COMMD1: variants seen among roughly 807,000 people sequenced by gnomAD.
COMMD1 encodes copper metabolism domain containing 1, also known as COMM domain-containing protein 1.
In COMMD1, 10 loss-of-function variants were observed where a neutral mutation model predicts 17.2. That is an observed-to-expected ratio of 0.58 (90% CI 0.36 to 0.99). The LOEUF (loss-of-function observed/expected upper bound fraction) is 0.99, where lower values mean the gene tolerates loss of function less well. Ranked by LOEUF, COMMD1 falls within the 50% of genes least tolerant of loss-of-function variation. The pLI, the probability that COMMD1 is intolerant of heterozygous loss-of-function variation, is 0.01. For synonymous variants in COMMD1, 97 were observed against 91.6 expected, an observed-to-expected ratio of 1.06 and a Z score of -0.34; for missense variants, 270 against 231.8, an observed-to-expected ratio of 1.17 and a Z score of -1.07.
chr2:62,016,206 CTTTTTTTT>C (rs769583167), intron 2 of COMMD1, among the ~76,000 whole-genome samples: 2 of 112,262 alleles, frequency 1.8e-5, no homozygotes, highest in Non-Finnish European at 3.7e-5. Context: ...CTTTTCTTTT[CTTTTTTTT>C]TTTTTTTTTT....
chr2:61,943,842 A>C (rs1047089037), intron 1 of COMMD1, among the ~76,000 whole-genome samples: 1 of 152,056 alleles, frequency 6.6e-6, no homozygotes, highest in African/African-American at 2.4e-5. Context: ...CTCAAAAAAA[A>C]CAAAACAAAA....
chr2:61,978,791 G>A (rs992531041), intron 1 of COMMD1, among the ~76,000 whole-genome samples: 5 of 152,108 alleles, frequency 3.3e-5, no homozygotes, highest in African/African-American at 1.2e-4. Context: ...AGAGACAAAG[G>A]GGAAGTTGTC....
intron 2 of COMMD1, among the ~76,000 whole-genome samples, chr2:62,123,871 T>C (rs376542269): frequency 1.3e-5 from 2 of 151,972 alleles, no homozygotes; most frequent in South Asian, 4.1e-4. Context: ...AGTATTTATG[T>C]GTTTAAAACA....
At chr2:62,086,211 T>G (rs1252081275) in intron 2 of COMMD1, among the ~76,000 whole-genome samples, 1 of 151,050 alleles carries the variant, frequency 6.6e-6, no homozygotes, top group Admixed American at 6.6e-5. Flanking sequence ...AACATGAAAT[T>G]AAAATTTCTC....
At chr2:62,074,072 G>C (rs899233202) in intron 2 of COMMD1, among the ~76,000 whole-genome samples, 1 of 152,104 alleles carries the variant, frequency 6.6e-6, no homozygotes, top group South Asian at 2.1e-4. Context: ...AGCCAAATGA[G>C]GAAACAGGTA....
rs1408111840 is a variant in COMMD1, at chr2:61,895,183, G to C, written n.119+6341G>C. On this transcript the variant is annotated intron_variant and non_coding_transcript_variant, in intron 1 of 2. Transcript: ENST00000472729. ...TGAGAGATTTAAGACAGCCAGGAGAGTGACATCAGCAAAATGGGAGACCAG... is the reference window on the plus strand; with the variant it reads ...TGAGAGATTTAAGACAGCCAGGAGACTGACATCAGCAAAATGGGAGACCAG... Among the ~76,000 whole-genome samples the C allele has an allele frequency of 6.6e-5, 10 of 152,228 alleles. No individual in the cohort carries two copies. In the East Asian group the frequency reaches 1.7e-3, roughly 26 times the overall value.
At chr2:61,934,086 A>G (rs1173438556) in intron 1 of COMMD1, among the ~76,000 whole-genome samples, 1 of 152,206 alleles carries the variant, frequency 6.6e-6, no homozygotes, top group Admixed American at 6.5e-5. Context: ...GTGTAATCCA[A>G]AATACCTAAA....
chr2:61,965,938 G>A (rs951500129), intron 1 of COMMD1, among the ~76,000 whole-genome samples: 2 of 152,200 alleles, frequency 1.3e-5, no homozygotes, highest in Non-Finnish European at 2.9e-5. Flanking sequence ...CTATAAAGCT[G>A]CCTTGAATAT....
At chr2:61,927,172 TA>T (rs1455369074) in intron 1 of COMMD1, among the ~76,000 whole-genome samples, 1 of 152,096 alleles carries the variant, frequency 6.6e-6, no homozygotes, top group Non-Finnish European at 1.5e-5. Context: ...GATAGAACAA[TA>T]GAAAAATAAC....
intron 1 of COMMD1, among the ~76,000 whole-genome samples, chr2:61,920,959 A>G (rs947578459): frequency 1.6e-3 from 131 of 79,600 alleles, no homozygotes; most frequent in South Asian, 6.5e-3. Context: ...GTATATATAT[A>G]TGTGTGTATA....
chr2:62,110,891 G>A (rs1365187982), intron 2 of COMMD1, among the ~76,000 whole-genome samples: 3 of 152,092 alleles, frequency 2.0e-5, no homozygotes, highest in Non-Finnish European at 4.4e-5. Flanking sequence ...AATCTTTAGG[G>A]TAGATCTCAA....
intron 2 of COMMD1, among the ~76,000 whole-genome samples, chr2:62,048,423 C>T (rs1028906763): frequency 2.6e-5 from 4 of 151,776 alleles, no homozygotes; most frequent in Admixed American, 2.0e-4. Context: ...CTCCTGACCT[C>T]GTGATCCGCC....
chr2:61,900,200 A>G (rs1221063398), intron 1 of COMMD1, among the ~76,000 whole-genome samples: 2 of 152,218 alleles, frequency 1.3e-5, no homozygotes, highest in African/African-American at 4.8e-5. Context: ...TATGCATTTC[A>G]GGGAGGCAGG....
intron 2 of COMMD1, among the ~76,000 whole-genome samples, chr2:62,021,610 T>C (rs1235186159): frequency 6.6e-6 from 1 of 152,194 alleles, no homozygotes; most frequent in African/African-American, 2.4e-5. Flanking sequence ...AGTTTTCCAG[T>C]TTCTCTTCAT....
At chr2:62,015,596 C>T (rs1162984326) in intron 2 of COMMD1, among the ~76,000 whole-genome samples, 1 of 151,588 alleles carries the variant, frequency 6.6e-6, no homozygotes, top group African/African-American at 2.4e-5. Flanking sequence ...AAGGAACTGA[C>T]AAACTATTTT....
chr2:62,115,372 G>A (rs1172178010), intron 2 of COMMD1, among the ~76,000 whole-genome samples: 1 of 152,246 alleles, frequency 6.6e-6, no homozygotes, highest in Non-Finnish European at 1.5e-5. Flanking sequence ...AGAGGAGGGA[G>A]AGGCCTGTTT....
At chr2:61,941,236 C>T (rs1271016338) in intron 1 of COMMD1, among the ~76,000 whole-genome samples, 1 of 151,826 alleles carries the variant, frequency 6.6e-6, no homozygotes, top group African/African-American at 2.4e-5. Flanking sequence ...CCACGTTGGC[C>T]AGGCTGGTCT....
chr2:62,116,708 G>A (rs560585245), intron 2 of COMMD1, among the ~76,000 whole-genome samples: 3 of 145,930 alleles, frequency 2.1e-5, no homozygotes, highest in East Asian at 2.0e-4. Flanking sequence ...AAAAAAGGCC[G>A]GGCGTGGTGG....
intron 2 of COMMD1, among the ~76,000 whole-genome samples, chr2:62,018,116 C>T (rs532341443): frequency 6.6e-6 from 1 of 151,936 alleles, no homozygotes; most frequent in South Asian, 2.1e-4. Flanking sequence ...CGCATCTTTT[C>T]AGGTACTTCC....
Sources: allele counts gnomAD v4.1 joint callset (sites outside exome capture counted in the v4.1 genomes callset), GRCh38; gene constraint gnomAD v4.1.1; transcripts MANE v1.5; gene names NCBI Gene and HGNC (gene_info 2026-07-23, HGNC 2026-07-21).